Variants in ANKRD29 observed in about 807,000 individuals in gnomAD.
ANKRD29 encodes the protein ankyrin repeat domain 29, also known as ankyrin repeat domain-containing protein 29.
ANKRD29 carries 32 observed loss-of-function variants against 38.0 expected under a neutral mutation model. That is an observed-to-expected ratio of 0.84 (90% CI 0.64 to 1.13). The LOEUF (loss-of-function observed/expected upper bound fraction) is 1.13, where lower values mean the gene tolerates loss of function less well. Among genes scored for constraint, ANKRD29 ranks in the 50% most tolerant of loss-of-function variants. ANKRD29 has a pLI of 0.00. For synonymous variants in ANKRD29, 135 were observed against 152.4 expected, an observed-to-expected ratio of 0.89 and a Z score of 0.84; for missense variants, 357 against 377.9, an observed-to-expected ratio of 0.94 and a Z score of 0.46.
At position 23,649,069 on chromosome 18, in the gene ANKRD29, C is replaced by G. The variant is rs1164152770; in HGVS notation, c.132+14G>C. On this transcript the variant is annotated intron_variant, in intron 2 of 9. Coordinates refer to ENST00000592179, the MANE Select transcript of ANKRD29 (RefSeq NM_173505.4). Reference sequence around the variant, plus strand: ...ATGGTGCATGCTGGGCATGCATCTACCGAACCACCGTACGCTGTCTCTGCA... The same window carrying G: ...ATGGTGCATGCTGGGCATGCATCTAGCGAACCACCGTACGCTGTCTCTGCA... 1 of 1,610,758 alleles carries G rather than the reference C, an allele frequency of 6.2e-7. No individual in the cohort carries two copies. Among genetic ancestry groups the G allele is most frequent in the African/African-American group, 1.3e-5 (1 of 74,838 alleles).
intron 1 of ANKRD29, among the ~76,000 whole-genome samples, chr18:23,659,880 G>T (rs926993592): frequency 2.0e-5 from 3 of 151,912 alleles, no homozygotes; most frequent in African/African-American, 7.2e-5. Context: ...GGAGCCCGAG[G>T]CAGGCAGATT....
At chr18:23,654,372 C>T (rs970723003) in intron 1 of ANKRD29, among the ~76,000 whole-genome samples, 3 of 151,704 alleles carry the variant, frequency 2.0e-5, no homozygotes, top group Admixed American at 2.0e-4. Context: ...TAATCCCAAG[C>T]ACTTTAGGAG....
At chr18:23,619,346 G>C (rs544356173) in intron 7 of ANKRD29, 185 bp downstream of exon 7, 124 of 605,460 alleles carry the variant, frequency 2.0e-4, no homozygotes, top group African/African-American at 1.9e-3. Flanking sequence ...TGCGTCCCAA[G>C]GTCATCTCGG....
intron 2 of ANKRD29, 40 bp downstream of exon 2, chr18:23,649,043 A>G (rs760580935): frequency 3.9e-6 from 6 of 1,542,104 alleles, no homozygotes; most frequent in Non-Finnish European, 5.3e-6. Flanking sequence ...CACAGAGGGC[A>G]ATGGTGCATG....
intron 8 of ANKRD29, among the ~76,000 whole-genome samples, chr18:23,615,375 T>C (rs1287022566): frequency 3.9e-5 from 6 of 152,152 alleles, no homozygotes; most frequent in Admixed American, 3.9e-4. Flanking sequence ...TATGTGAAAA[T>C]ATGAAATTCC....
intron 1 of ANKRD29, among the ~76,000 whole-genome samples, chr18:23,661,423 C>T (rs368134293): frequency 9.8e-5 from 15 of 152,304 alleles, no homozygotes; most frequent in African/African-American, 2.9e-4. Flanking sequence ...CTTTTAAAGT[C>T]GGCCGGGCGT....
chr18:23,632,814 G>C (rs930041625), intron 5 of ANKRD29, among the ~76,000 whole-genome samples: 15 of 152,004 alleles, frequency 9.9e-5, no homozygotes, highest in Non-Finnish European at 1.6e-4. Context: ...AATGTTGCAG[G>C]CTCAAAGTGT....
chr18:23,606,927 T>G (rs1318439560), intron 9 of ANKRD29, among the ~76,000 whole-genome samples: 2 of 152,154 alleles, frequency 1.3e-5, no homozygotes, highest in Non-Finnish European at 2.9e-5. Flanking sequence ...GCAGGCAGTA[T>G]CGGGGATGGA....
At chr18:23,629,591 G>A (rs3810074) in intron 6 of ANKRD29, among the ~76,000 whole-genome samples, 2 of 152,348 alleles carry the variant, frequency 1.3e-5, no homozygotes, top group East Asian at 3.9e-4. Flanking sequence ...GTGTACTTGT[G>A]TACTTGACCT....
chr18:23,624,494 A>AAAAAAAAAAAAAAAAAAAAAC (rs2059837303), intron 6 of ANKRD29, among the ~76,000 whole-genome samples: 1 of 149,422 alleles, frequency 6.7e-6, no homozygotes, highest in Non-Finnish European at 1.5e-5. Context: ...AAAAAAAAAA[A>AAAAAAAAAAAAAAAAAAAAAC]AAAAAAGGTA....
Position 23,619,624 on chromosome 18 carries a change from C to G in ANKRD29, c.534G>C (p.Gly178=). The change falls in exon 7 of 10, where the codon GGG becomes GGC. Residue 178 remains glycine, a synonymous_variant. Transcript: ENST00000592179. ...GGGACGCGATCCACAGGGGCGCTGTCCCGTCCTGCGGGAAGAGGAGGCGGC... is the reference window on the plus strand; with the variant it reads ...GGGACGCGATCCACAGGGGCGCTGTGCCGTCCTGCGGGAAGAGGAGGCGGC... ...GAKVNQPRQD[G]TAPLWIASQM... is the part of the protein sequence containing the mutation. 2.5e-6 allele frequency: 4 copies of G among 1,580,720 alleles called. No homozygotes were observed. Among genetic ancestry groups the G allele is most frequent in the Non-Finnish European group, 3.4e-6 (4 of 1,172,912 alleles).
In ANKRD29 at chr18:23,634,098, C is replaced by T. The variant is rs749187099; in HGVS notation, c.382G>A (p.Val128Met). The stretch of plus-strand genomic sequence containing the variant: ...GCTCCGTGCTTCAGCAAGGTCTCCA[C>T]CACCTGCATGTGCCCGTACTGACTG... ...AASQYGHMQV[V>M]ETLLKHGANI... The change falls in exon 5 of 10, where the codon GTG (valine) becomes ATG (methionine). Residue 128 changes from valine to methionine, a missense_variant. Coordinates refer to ENST00000592179, the MANE Select transcript of ANKRD29 (RefSeq NM_173505.4). 6.2e-7 allele frequency: 1 copy of T among 1,614,188 alleles called. No homozygotes were observed. The highest frequency in any genetic ancestry group is 1.1e-5 in the South Asian group (1 of 91,082).
At chr18:23,604,571 G>GC (rs2059552687) in intron 9 of ANKRD29, among the ~76,000 whole-genome samples, 1 of 151,512 alleles carries the variant, frequency 6.6e-6, no homozygotes, top group Non-Finnish European at 1.5e-5. Flanking sequence ...TCAATCTGTT[G>GC]CCATGCTGGA....
In ANKRD29 at chr18:23,634,945, G is replaced by A. The variant is rs374180988; in HGVS notation, c.331-796C>T. On this transcript the variant is annotated intron_variant, in intron 4 of 9. Coordinates refer to ENST00000592179, the MANE Select transcript of ANKRD29 (RefSeq NM_173505.4). The stretch of plus-strand genomic sequence containing the variant: ...TGTTTGTATGGGGTAACCCTCTGGG[G>A]CCATTGCCCTCATGGGACAAGATCT... Among the ~76,000 whole-genome samples, 110 of 152,294 alleles carry A rather than the reference G, an allele frequency of 7.2e-4. 3 individuals carry two copies. The South Asian group carries it at 0.022, about 31-fold the overall frequency.
At chr18:23,602,701 C>G (rs2059528882) in intron 9 of ANKRD29, among the ~76,000 whole-genome samples, 1 of 151,908 alleles carries the variant, frequency 6.6e-6, no homozygotes, top group East Asian at 1.9e-4. Flanking sequence ...GAGAGGACCA[C>G]TTGAGCTCAG....
At chr18:23,627,450 T>C (rs1286426706) in intron 6 of ANKRD29, among the ~76,000 whole-genome samples, 2 of 152,204 alleles carry the variant, frequency 1.3e-5, no homozygotes, top group Non-Finnish European at 2.9e-5. Context: ...TTGACCAGGT[T>C]ATCCTAACTC....
Position 23,619,588 on chromosome 18 carries a change from G to T in ANKRD29, c.570C>A (p.His190Gln). The T allele has an allele frequency of 6.3e-7, 1 of 1,597,366 alleles. No individual in the cohort carries two copies. The change falls in exon 7 of 10, where the codon CAC (histidine) becomes CAA (glutamine). Residue 190 changes from histidine to glutamine, a missense_variant. His to Gln is a conservative substitution (Grantham distance 24). Transcript: ENST00000592179. ...APLWIASQMG[H>Q]SEVVRVMLLR... ...GCAGCATCACCCGCACCACCTCGCT[G>T]TGGCCCATCTGGGACGCGATCCACA... is the stretch of plus-strand genomic sequence containing the variant.
chr18:23,655,194 C>G (rs932540419), intron 1 of ANKRD29, among the ~76,000 whole-genome samples: 4 of 144,240 alleles, frequency 2.8e-5, no homozygotes, highest in Non-Finnish European at 6.1e-5. Flanking sequence ...GTGAACCCCC[C>G]TCTTGGCCCA....
chr18:23,603,221 A>C (rs1274104931), intron 9 of ANKRD29, among the ~76,000 whole-genome samples: 2 of 152,274 alleles, frequency 1.3e-5, no homozygotes, highest in Non-Finnish European at 2.9e-5. Context: ...CCACAGGTTT[A>C]TCTATTTATA....
Sources: gnomAD v4.1 joint callset for allele counts (sites outside exome capture counted in the v4.1 genomes callset) on GRCh38, gnomAD v4.1.1 for gene constraint, MANE v1.5 for transcripts, NCBI Gene and HGNC (gene_info 2026-07-23, HGNC 2026-07-21) for gene names.